The following DSG3 variants were observed in gnomAD, a reference collection of about 807,000 sequenced individuals.
DSG3 encodes the protein desmoglein 3.
Under a neutral mutation model 85.9 loss-of-function variants are expected in DSG3, and 63 were observed. The observed-to-expected ratio is 0.73, with a 90% CI of 0.60 to 0.90. The LOEUF is 0.90. Among genes scored for constraint, DSG3 ranks in the 40% least tolerant of loss-of-function variants. The pLI is 0.00. For missense variants in DSG3, 1,220 were observed against 1,219.9 expected (o/e 1.00, Z 0.00); for synonymous variants, 447 against 441.9 (o/e 1.01, Z -0.14).
At chr18:31,462,983 A>G (rs1014115495) in intron 8 of DSG3, among the ~76,000 whole-genome samples, 3 of 152,186 alleles carry the variant, frequency 2.0e-5, no homozygotes, top group Non-Finnish European at 4.4e-5. Context: ...TGTAGGAACT[A>G]TTGGAGAAGC....
chr18:31,460,126 T>C (rs2072774848), intron 6 of DSG3, 115 bp downstream of exon 6: 1 of 1,131,280 alleles, frequency 8.8e-7, no homozygotes. Flanking sequence ...TTCTCAGTAC[T>C]TAACTTGGCT....
Position 31,477,248 on chromosome 18 carries a change from G to C in DSG3, c.*988G>C, listed in dbSNP as rs2072894998. On this transcript the variant is annotated 3_prime_UTR_variant, in exon 16 of 16. Coordinates refer to ENST00000257189, the MANE Select transcript of DSG3 (RefSeq NM_001944.3). ...TTTGTGTGTTTTAATCCCTTTGAAGGGATCTATCCAAAGAAAATATTTTAC... is the reference window on the plus strand; with the variant it reads ...TTTGTGTGTTTTAATCCCTTTGAAGCGATCTATCCAAAGAAAATATTTTAC... 6.6e-6 allele frequency: 1 copy of C among 152,048 alleles called. No homozygotes were observed. The highest frequency in any genetic ancestry group is 2.1e-4 in the South Asian group (1 of 4,822). 9.4% of individuals were successfully genotyped at this position (152,048 alleles called of 1,614,324 possible).
In DSG3 at chr18:31,474,141, G is replaced by T. The variant is rs756168563; in HGVS notation, c.2122G>T (p.Ala708Ser). The T allele has an allele frequency of 6.2e-7, 1 of 1,613,410 alleles. No homozygotes were observed. Among genetic ancestry groups the T allele is most frequent in the Non-Finnish European group, 8.5e-7 (1 of 1,179,320 alleles). The change falls in exon 15 of 16, where the codon GCC becomes TCC. Residue 708 changes from alanine to serine, a missense_variant. Physicochemically the swap from Ala to Ser is moderately conservative, Grantham distance 99 (BLOSUM62 1). Transcript: ENST00000257189. The part of the protein sequence containing the change: ...ESSEVCTNTY[A>S]RGTAVEGTSG... ...TTTAGAAGTTTGTACAAATACGTATGCCAGAGGCACAGCGGTGGAAGGCAC... is the reference window on the plus strand; with the variant it reads ...TTTAGAAGTTTGTACAAATACGTATTCCAGAGGCACAGCGGTGGAAGGCAC...
chr18:31,454,996 G>T (rs2072733314), intron 1 of DSG3, among the ~76,000 whole-genome samples: 1 of 147,560 alleles, frequency 6.8e-6, no homozygotes, highest in African/African-American at 2.5e-5. Context: ...ACTCCAGCCA[G>T]GGCAAAAAGA....
At position 31,447,852 on chromosome 18, in the gene DSG3, C is replaced by G; in HGVS notation, c.-26C>G. 6.3e-7 allele frequency: 1 copy of G among 1,581,572 alleles called. No individual in the cohort carries two copies. Among genetic ancestry groups the G allele is most frequent in the Non-Finnish European group, 8.6e-7 (1 of 1,166,978 alleles). The stretch of plus-strand genomic sequence containing the variant: ...GGATAGAAGCAGCGGCTCACTTGGA[C>G]TTTTTCACCAGGGAAATCAGAGACA... On this transcript the variant is annotated 5_prime_UTR_variant, in exon 1 of 16. Transcript: ENST00000257189.
chr18:31,447,914 G>A lies in DSG3; in HGVS notation c.37G>A (p.Ala13Thr). ...GLFPRTTGAL[A>T]IFVVVILVHG... is the part of the protein sequence containing the mutation. ...CTTCCCCAGAACTACAGGGGCTCTG[G>A]CCATCTTCGTGGTAAGTCCTGGATT... Residue 13 changes from alanine to threonine, a missense_variant, in exon 1 of 16, where the codon GCC (alanine) becomes ACC (threonine). Physicochemically the swap from Ala to Thr is moderately conservative, Grantham distance 58. Coordinates refer to ENST00000257189, the MANE Select transcript of DSG3 (RefSeq NM_001944.3). The A allele has an allele frequency of 1.3e-6, 2 of 1,584,548 alleles. No homozygotes were observed. The highest frequency in any genetic ancestry group is 1.7e-6 in the Non-Finnish European group (2 of 1,167,492).
At chr18:31,473,485 G>A (rs920069618) in intron 14 of DSG3, among the ~76,000 whole-genome samples, 1 of 152,172 alleles carries the variant, frequency 6.6e-6, no homozygotes, top group Non-Finnish European at 1.5e-5. Context: ...TTGTTTTCAA[G>A]TGTCCATCCT....
In DSG3 at chr18:31,475,679, C is replaced by G; in HGVS notation, c.2419C>G (p.Gln807Glu). Reference sequence around the variant, plus strand: ...TGCCTGTGCGGAGGAAGACGATGGCCAGGAAGCAAATGACTGCTTGTTGAT... The same window carrying G: ...TGCCTGTGCGGAGGAAGACGATGGCGAGGAAGCAAATGACTGCTTGTTGAT... ...AFACAEEDDG[Q>E]EANDCLLIYD... The change falls in exon 16 of 16, where the codon CAG (glutamine) becomes GAG (glutamate). Residue 807 changes from glutamine (Q) to glutamate (E), a missense_variant. By Grantham distance (29) the Gln-to-Glu change is conservative (BLOSUM62 2). Transcript: ENST00000257189. The G allele has an allele frequency of 6.2e-7, 1 of 1,614,152 alleles. No homozygotes were observed. Among genetic ancestry groups the G allele is most frequent in the Non-Finnish European group, 8.5e-7 (1 of 1,180,032 alleles).
Position 31,466,657 on chromosome 18 carries a change from T to C in DSG3, c.1539T>C (p.Ala513=). 1.2e-6 allele frequency: 2 copies of C among 1,614,204 alleles called. No individual in the cohort carries two copies. Among genetic ancestry groups the C allele is most frequent in the Non-Finnish European group, 1.7e-6 (2 of 1,180,042 alleles). Residue 513 remains alanine (A), a synonymous_variant, in exon 11 of 16, where the codon GCT becomes GCC. Transcript: ENST00000257189. ...CSSSPSVVVS[A]RTLNNRYTGP... The stretch of plus-strand genomic sequence containing the variant: ...CTTCACCTTCCGTGGTTGTCTCCGC[T>C]AGAACACTGAATAATAGATACACTG...
At chr18:31,448,847 G>T (rs1354097526) in intron 1 of DSG3, among the ~76,000 whole-genome samples, 1 of 152,094 alleles carries the variant, frequency 6.6e-6, no homozygotes, top group African/African-American at 2.4e-5. Context: ...TGGACTTCAA[G>T]AAGTCACAGG....
chr18:31,465,579 G>C, intron 10 of DSG3, 122 bp downstream of exon 10: 6 of 966,126 alleles, frequency 6.2e-6, no homozygotes, highest in Non-Finnish European at 8.2e-6. Flanking sequence ...ATTATCTTAG[G>C]AGTGTTGGGC....
intron 15 of DSG3, 54 bp from the exon 16 acceptor site, chr18:31,475,592 G>C: frequency 6.3e-7 from 1 of 1,575,020 alleles, no homozygotes; most frequent in Non-Finnish European, 8.6e-7. Flanking sequence ...GTATTATATT[G>C]TTCAACTGAC....
rs752704309 is a variant in DSG3 at position 31,476,239 on chromosome 18, T to C, written c.2979T>C (p.Asp993=). Residue 993 remains aspartate, a synonymous_variant, in exon 16 of 16, where the codon GAT becomes GAC. Transcript: ENST00000257189. ...CACATACTATGCTCTGTACAGAGGATCCTTGCTCCCGTCTAATATGACCAG... is the reference window on the plus strand; with the variant it reads ...CACATACTATGCTCTGTACAGAGGACCCTTGCTCCCGTCTAATATGACCAG... ...RGSHTMLCTE[D]PCSRLI is the part of the protein sequence containing the mutation. 2 of 1,611,624 alleles carry C rather than the reference T, an allele frequency of 1.2e-6. No individual in the cohort carries two copies. Among genetic ancestry groups the C allele is most frequent in the Admixed American group, 3.3e-5 (2 of 59,832 alleles).
chr18:31,466,954 T>A (rs1267519385), intron 11 of DSG3, among the ~76,000 whole-genome samples, 200 bp downstream of exon 11: 1 of 152,238 alleles, frequency 6.6e-6, no homozygotes, highest in Non-Finnish European at 1.5e-5. Context: ...CCATTTCATA[T>A]TTTATTTTGA....
rs199540300 is a variant in DSG3, at chr18:31,466,558, G to T, written c.1440G>T (p.Thr480=). The change falls in exon 11 of 16, where the codon ACG becomes ACT. Residue 480 remains threonine, a synonymous_variant. Coordinates refer to ENST00000257189, the MANE Select transcript of DSG3 (RefSeq NM_001944.3). ...ACACGGGTAAAACTTCTACAGGCAC[G>T]GTATATGTTAGAGTACCCGATTTCA... is the stretch of plus-strand genomic sequence containing the variant. ...DEYTGKTSTG[T]VYVRVPDFND... 142 of 1,613,972 alleles carry T rather than the reference G, an allele frequency of 8.8e-5. No homozygotes were observed. The highest frequency in any genetic ancestry group is 1.1e-4 in the Non-Finnish European group (134 of 1,180,008).
At chr18:31,464,032 A>AT in intron 8 of DSG3, 79 bp from the exon 9 acceptor site, 5 of 1,291,468 alleles carry the variant, frequency 3.9e-6, no homozygotes, top group Non-Finnish European at 5.4e-6. Context: ...AGCATCTTGC[A>AT]TAGTGTGCTG....
chr18:31,466,857 G>A, intron 11 of DSG3, 103 bp downstream of exon 11: 1 of 1,015,960 alleles, frequency 9.8e-7, no homozygotes, highest in Non-Finnish European at 1.4e-6. Context: ...AAAGTAACTG[G>A]AAAAATTCTT....
rs186546624 is a variant in DSG3, at chr18:31,453,549, A to G, written c.49-2891A>G. 7.4e-3 allele frequency among the ~76,000 whole-genome samples: 1,131 copies of G among 152,300 alleles called. 46 individuals are homozygous for G. Among genetic ancestry groups the G allele is most frequent in the Admixed American group, 0.066 (1,009 of 15,290 alleles). ...CAACCATATACATTTTTATTAACAA[A>G]TAGAGCATATGGATATCAAATTGCT... On this transcript the variant is annotated intron_variant, in intron 1 of 15. Transcript: ENST00000257189.
chr18:31,455,556 C>G (rs1161101364), intron 1 of DSG3, among the ~76,000 whole-genome samples: 1 of 152,086 alleles, frequency 6.6e-6, no homozygotes, highest in Non-Finnish European at 1.5e-5. Flanking sequence ...TGTACAAACT[C>G]AGAAAAAGAG....
Sources: gnomAD v4.1 joint callset for allele counts (sites outside exome capture counted in the v4.1 genomes callset) on GRCh38, gnomAD v4.1.1 for gene constraint, MANE v1.5 for transcripts, NCBI Gene and HGNC (gene_info 2026-07-23, HGNC 2026-07-21) for gene names.